KLHL32: variants seen among roughly 807,000 people sequenced by gnomAD.
KLHL32 encodes kelch-like protein 32.
In KLHL32, 35 loss-of-function variants were observed where a neutral mutation model predicts 64.8. The observed-to-expected ratio is 0.54, with a 90% CI of 0.41 to 0.72. The LOEUF (loss-of-function observed/expected upper bound fraction) is 0.72. KLHL32 is among the 30% of genes least tolerant of loss of function. The pLI, the probability that KLHL32 is intolerant of heterozygous loss-of-function variation, is 0.00. For missense variants in KLHL32, 589 were observed against 768.5 expected (o/e 0.77, Z 2.76); for synonymous variants, 259 against 281.0 (o/e 0.92, Z 0.78).
intron 6 of KLHL32, among the ~76,000 whole-genome samples, chr6:97,102,538 G>A (rs760829): frequency 0.66 from 100,580 of 151,850 alleles, 34,139 homozygotes; most frequent in South Asian, 0.78. Flanking sequence ...TTATTTAGAA[G>A]TCTCATGTCA....
At chr6:96,968,421 A>C (rs1322782162) in intron 2 of KLHL32, among the ~76,000 whole-genome samples, 1 of 152,116 alleles carries the variant, frequency 6.6e-6, no homozygotes, top group African/African-American at 2.4e-5. Flanking sequence ...CCAAAATGTC[A>C]ATAATACTGA....
At chr6:96,967,244 A>G (rs150666528) in intron 2 of KLHL32, among the ~76,000 whole-genome samples, 161 bp downstream of exon 2, 1 of 152,318 alleles carries the variant, frequency 6.6e-6, no homozygotes, top group Non-Finnish European at 1.5e-5. Context: ...CACAAGGACT[A>G]ACTGCTGTGA....
intron 5 of KLHL32, among the ~76,000 whole-genome samples, chr6:97,072,466 A>G (rs1008706091): frequency 6.6e-6 from 1 of 152,042 alleles, no homozygotes; most frequent in Non-Finnish European, 1.5e-5. Flanking sequence ...ATTATTCATT[A>G]TGATGAATGT....
In KLHL32 at chr6:97,064,793, C is replaced by T. The variant is rs556125760; in HGVS notation, c.411+67C>T. ...TTTCCCCACAGTCATAAGCTGGCCC[C>T]CAACAACTGGAGCTGAATGACAGGT... On this transcript the variant is annotated intron_variant, in intron 5 of 10. Transcript: ENST00000369261. The T allele has an allele frequency of 6.9e-4, 906 of 1,303,640 alleles. 1 individual carries two copies. Among genetic ancestry groups the T allele is most frequent in the Non-Finnish European group, 8.6e-4 (779 of 903,866 alleles). 80.8% of individuals were successfully genotyped at this position (1,303,640 alleles called of 1,614,324 possible).
At chr6:96,900,480 G>A in the KLHL32 span, among the ~76,000 whole-genome samples, 14 of 152,190 alleles carry the variant, frequency 9.2e-5, no homozygotes, top group South Asian at 2.5e-3. Flanking sequence ...GCTGATTAAC[G>A]TGCTCAGCAC....
intron 3 of KLHL32, among the ~76,000 whole-genome samples, chr6:97,007,258 ACT>A (rs59604151): frequency 0.088 from 13,297 of 151,006 alleles, 1,242 homozygotes; most frequent in Admixed American, 0.22. Context: ...GAGTTCTGAG[ACT>A]CTTTCTTTGG....
chr6:97,138,585 C>CA (rs1486504677), intron 10 of KLHL32, among the ~76,000 whole-genome samples: 12 of 151,982 alleles, frequency 7.9e-5, no homozygotes, highest in East Asian at 1.9e-4. Flanking sequence ...ACAAAACAAA[C>CA]AAAAAAACTC....
chr6:97,015,119 G>A (rs1288022049), intron 3 of KLHL32, among the ~76,000 whole-genome samples: 1 of 152,180 alleles, frequency 6.6e-6, no homozygotes. Context: ...TGCCATGATT[G>A]TAAGTTTCCT....
At chr6:97,032,035 TC>T (rs1207274567) in intron 3 of KLHL32, among the ~76,000 whole-genome samples, 1 of 152,232 alleles carries the variant, frequency 6.6e-6, no homozygotes, top group African/African-American at 2.4e-5. Flanking sequence ...TTGGTATTAT[TC>T]CCATTTTACA....
chr6:97,006,315 A>C (rs1256384481), intron 3 of KLHL32, among the ~76,000 whole-genome samples: 4 of 152,058 alleles, frequency 2.6e-5, no homozygotes, highest in Non-Finnish European at 4.4e-5. Context: ...TTTTTGCCTG[A>C]TACTAGAATA....
intron 3 of KLHL32, among the ~76,000 whole-genome samples, chr6:97,031,455 C>G (rs571865398): frequency 3.9e-5 from 6 of 152,080 alleles, no homozygotes; most frequent in South Asian, 2.1e-4. Flanking sequence ...CCTGCCTCAC[C>G]GTCTTGAGTA....
intron 3 of KLHL32, among the ~76,000 whole-genome samples, chr6:97,028,351 T>G (rs1783035993): frequency 1.3e-5 from 2 of 152,172 alleles, no homozygotes; most frequent in Admixed American, 1.3e-4. Context: ...GGCTAGAGTT[T>G]AGTCTTGCTT....
intron 3 of KLHL32, among the ~76,000 whole-genome samples, chr6:96,995,222 T>C (rs1778284850): frequency 6.6e-6 from 1 of 152,200 alleles, no homozygotes; most frequent in South Asian, 2.1e-4. Flanking sequence ...TAACTTGAAA[T>C]TCCTGGTCAT....
intron 3 of KLHL32, among the ~76,000 whole-genome samples, chr6:97,007,152 T>C (rs575901304): frequency 8.0e-4 from 122 of 152,314 alleles, no homozygotes; most frequent in Non-Finnish European, 1.6e-3. Flanking sequence ...TTGGTCTCTT[T>C]ACATTATCCC....
chr6:96,912,571 T>C, the KLHL32 span, among the ~76,000 whole-genome samples: 1 of 152,222 alleles, frequency 6.6e-6, no homozygotes, highest in African/African-American at 2.4e-5. Context: ...TTAACTTAGC[T>C]ATGCTTCAGT....
At chr6:97,036,320 T>TTTCTG (rs1268441847) in intron 3 of KLHL32, among the ~76,000 whole-genome samples, 2 of 152,244 alleles carry the variant, frequency 1.3e-5, no homozygotes, top group Non-Finnish European at 2.9e-5. Flanking sequence ...TCAATGATAA[T>TTTCTG]TTCTTAAAAC....
intron 1 of KLHL32, among the ~76,000 whole-genome samples, chr6:96,946,180 A>G (rs1303824822): frequency 1.3e-5 from 2 of 152,098 alleles, no homozygotes; most frequent in Non-Finnish European, 2.9e-5. Flanking sequence ...TAGGAAAAAA[A>G]TATTTTAAAT....
intron 9 of KLHL32, among the ~76,000 whole-genome samples, chr6:97,132,065 C>T (rs767897910): frequency 3.9e-5 from 6 of 152,064 alleles, no homozygotes; most frequent in Non-Finnish European, 5.9e-5. Context: ...ATCATTTTGG[C>T]GTGTCAGCAT....
intron 6 of KLHL32, among the ~76,000 whole-genome samples, chr6:97,105,969 A>G (rs6935538): frequency 0.051 from 7,717 of 152,232 alleles, 680 homozygotes; most frequent in African/African-American, 0.18. Flanking sequence ...TTCATAATTA[A>G]TGTATTTTCT....
Sources: gnomAD v4.1 joint callset for allele counts (sites outside exome capture counted in the v4.1 genomes callset) on GRCh38, gnomAD v4.1.1 for gene constraint, MANE v1.5 for transcripts, NCBI Gene and HGNC (gene_info 2026-07-23, HGNC 2026-07-21) for gene names.